CTNNBL1: variants seen among roughly 807,000 people sequenced by gnomAD.
The protein encoded by CTNNBL1 is catenin beta like 1.
A neutral mutation model predicts 72.7 loss-of-function variants in CTNNBL1; 31 were observed. That is an observed-to-expected ratio of 0.43 (90% confidence interval 0.32 to 0.58). The LOEUF (loss-of-function observed/expected upper bound fraction) is 0.58, where lower values mean the gene tolerates loss of function less well. Among genes scored for constraint, CTNNBL1 ranks in the 20% least tolerant of loss-of-function variants. The pLI, the probability that CTNNBL1 is intolerant of heterozygous loss-of-function variation, is 0.08. For synonymous variants in CTNNBL1, 240 were observed against 267.3 expected (o/e 0.90, Z 1.00); for missense variants, 534 against 725.1 (o/e 0.74, Z 3.03).
At chr20:37,768,990 G>A (rs1189079131) in intron 7 of CTNNBL1, among the ~76,000 whole-genome samples, 1 of 152,136 alleles carries the variant, frequency 6.6e-6, no homozygotes, top group Non-Finnish European at 1.5e-5. Flanking sequence ...TGTTGGCCAG[G>A]CTAGTCTCGA....
chr20:37,860,450 C>G (rs2072482416), intron 15 of CTNNBL1, 106 bp downstream of exon 15: 19 of 902,950 alleles, frequency 2.1e-5, no homozygotes, highest in Admixed American at 1.8e-4. Context: ...GTTTTCTGCA[C>G]TGAAAGCTTA....
intron 1 of CTNNBL1, among the ~76,000 whole-genome samples, chr20:37,713,098 A>G (rs1411333414): frequency 6.6e-6 from 1 of 152,242 alleles, no homozygotes. Context: ...TTGGAGACAG[A>G]AATTCGTAAG....
At chr20:37,726,027 T>G (rs1189813971) in intron 1 of CTNNBL1, among the ~76,000 whole-genome samples, 3 of 152,178 alleles carry the variant, frequency 2.0e-5, no homozygotes, top group Admixed American at 1.3e-4. Flanking sequence ...TGTACATGCA[T>G]ACATATATGC....
chr20:37,777,752 T>C, intron 9 of CTNNBL1, 40 bp downstream of exon 9: 8 of 1,594,230 alleles, frequency 5.0e-6, no homozygotes, highest in Non-Finnish European at 6.9e-6. Flanking sequence ...GTAAGATACA[T>C]GGTCTGCTTT....
At chr20:37,871,412 G>T (rs565753534) in intron 15 of CTNNBL1, among the ~76,000 whole-genome samples, 14 of 152,240 alleles carry the variant, frequency 9.2e-5, no homozygotes, top group African/African-American at 3.4e-4. Flanking sequence ...CCAACCTTTG[G>T]TGTCTGCTGA....
At chr20:37,709,384 CA>C (rs1478124500) in intron 1 of CTNNBL1, among the ~76,000 whole-genome samples, 2 of 152,068 alleles carry the variant, frequency 1.3e-5, no homozygotes, top group Non-Finnish European at 2.9e-5. Flanking sequence ...AAGAGCATCT[CA>C]GTTTAAATTT....
chr20:37,780,886 C>G (rs2073619726), intron 10 of CTNNBL1, among the ~76,000 whole-genome samples: 2 of 152,086 alleles, frequency 1.3e-5, no homozygotes, highest in East Asian at 3.8e-4. Context: ...GTTGCCATTT[C>G]CAAGTCTATC....
At chr20:37,762,469 T>C (rs10485479) in intron 5 of CTNNBL1, among the ~76,000 whole-genome samples, 5,650 of 151,686 alleles carry the variant, frequency 0.037, 324 homozygotes, top group African/African-American at 0.13. Flanking sequence ...CCTTGAACTT[T>C]AACTCCCGGA....
At chr20:37,783,267 T>C (rs953897365) in intron 10 of CTNNBL1, among the ~76,000 whole-genome samples, 2 of 152,192 alleles carry the variant, frequency 1.3e-5, no homozygotes, top group Non-Finnish European at 2.9e-5. Context: ...TCTTTTTTTC[T>C]TAATCTGGCT....
chr20:37,831,295 G>C lies in CTNNBL1; in HGVS notation c.1214-8807G>C, dbSNP rs143474588. Among the ~76,000 whole-genome samples, 184 of 152,248 alleles carry C rather than the reference G, an allele frequency of 1.2e-3. 1 individual carries two copies. The highest frequency in any genetic ancestry group is 3.8e-3 in the African/African-American group (158 of 41,554). On this transcript the variant is annotated intron_variant, in intron 11 of 15. Coordinates refer to ENST00000361383, the MANE Select transcript of CTNNBL1 (RefSeq NM_030877.5). The stretch of plus-strand genomic sequence containing the variant: ...ATTAGGGGTCCTTCACATATGCGCT[G>C]AGTATTTTCCATGCATGCCAGTTAA...
chr20:37,860,490 G>A, intron 15 of CTNNBL1, 146 bp downstream of exon 15: 1 of 679,484 alleles, frequency 1.5e-6, no homozygotes, highest in Non-Finnish European at 2.6e-6. Context: ...GTGTGTCCAG[G>A]TCGTCTTTGT....
intron 13 of CTNNBL1, among the ~76,000 whole-genome samples, chr20:37,847,568 G>A (rs1279465560): frequency 6.6e-6 from 1 of 152,150 alleles, no homozygotes; most frequent in Admixed American, 6.5e-5. Context: ...CTGTTGTTGG[G>A]AAGGCATCCT....
chr20:37,765,134 C>T (rs1568770051), intron 5 of CTNNBL1, 63 bp from the exon 6 acceptor site: 7 of 1,097,512 alleles, frequency 6.4e-6, no homozygotes, highest in South Asian at 2.7e-5. Flanking sequence ...AGTATGGGAA[C>T]GGGAACATTT....
chr20:37,773,036 A>G (rs2073539437), intron 7 of CTNNBL1, among the ~76,000 whole-genome samples: 1 of 152,250 alleles, frequency 6.6e-6, no homozygotes, highest in Non-Finnish European at 1.5e-5. Flanking sequence ...TTAATGGGGA[A>G]TACAAGCTTA....
At chr20:37,710,671 C>CTT (rs2072929659) in intron 1 of CTNNBL1, among the ~76,000 whole-genome samples, 2 of 152,154 alleles carry the variant, frequency 1.3e-5, no homozygotes, top group African/African-American at 4.8e-5. Flanking sequence ...AGGGGCTTAA[C>CTT]CTGGCCTTCT....
intron 11 of CTNNBL1, among the ~76,000 whole-genome samples, chr20:37,839,092 G>A (rs1162476875): frequency 4.6e-5 from 7 of 152,040 alleles, no homozygotes; most frequent in African/African-American, 1.7e-4. Flanking sequence ...AGAAATCTAA[G>A]GACTGAATAA....
At chr20:37,695,560 A>G (rs2072783639) in intron 1 of CTNNBL1, among the ~76,000 whole-genome samples, 2 of 152,224 alleles carry the variant, frequency 1.3e-5, no homozygotes, top group African/African-American at 4.8e-5. Context: ...TGTGTTTACT[A>G]GAAAATTTAA....
At chr20:37,865,839 A>G (rs1170585330) in intron 15 of CTNNBL1, among the ~76,000 whole-genome samples, 2 of 152,230 alleles carry the variant, frequency 1.3e-5, no homozygotes, top group African/African-American at 2.4e-5. Context: ...AAACTCTCTC[A>G]CTGCTGGGCG....
Position 37,819,724 on chromosome 20 carries a change from C to T in CTNNBL1, c.1213+16676C>T, listed in dbSNP as rs1213437789. On this transcript the variant is annotated intron_variant, in intron 11 of 15. Transcript: ENST00000361383. ...GGCTTCCCTCCTACACCAGCCTGAG[C>T]AGACACTTCTAGCCACAGTGTCATA... is the stretch of plus-strand genomic sequence containing the variant. Among the ~76,000 whole-genome samples, 2 of 152,114 alleles carry T rather than the reference C, an allele frequency of 1.3e-5. 1 individual carries two copies. Among genetic ancestry groups the T allele is most frequent in the East Asian group, 3.8e-4 (2 of 5,198 alleles).
Sources: allele counts gnomAD v4.1 joint callset (sites outside exome capture counted in the v4.1 genomes callset), GRCh38; gene constraint gnomAD v4.1.1; transcripts MANE v1.5; gene names NCBI Gene and HGNC (gene_info 2026-07-23, HGNC 2026-07-21).